KIF26B: variants seen among roughly 807,000 people sequenced by gnomAD.
The protein encoded by KIF26B is kinesin family member 26B, also known as kinesin-like protein KIF26B.
KIF26B carries 63 observed loss-of-function variants against 151.2 expected under a neutral mutation model. That is an observed-to-expected ratio of 0.42 (90% CI 0.34 to 0.51). KIF26B has a LOEUF of 0.51. Ranked by LOEUF, KIF26B falls within the 20% of genes least tolerant of loss-of-function variation. The pLI is 0.07. For synonymous variants in KIF26B, 1,357 were observed against 1,262.1 expected (o/e 1.08, Z -1.59); for missense variants, 2,813 against 2,913.6 (o/e 0.97, Z 0.79).
intron 2 of KIF26B, among the ~76,000 whole-genome samples, chr1:245,308,402 G>T (rs894932737): frequency 6.6e-6 from 1 of 152,206 alleles, no homozygotes; most frequent in Non-Finnish European, 1.5e-5. Context: ...AGGTAGTGGA[G>T]AGAGGAAGAT....
chr1:245,301,439 G>A (rs921198333), intron 2 of KIF26B, among the ~76,000 whole-genome samples: 2 of 152,130 alleles, frequency 1.3e-5, no homozygotes, highest in Admixed American at 6.5e-5. Context: ...TATTCCTGGC[G>A]TCTCTTCAGC....
At chr1:245,517,637 T>A (rs1660998651) in intron 4 of KIF26B, among the ~76,000 whole-genome samples, 1 of 151,882 alleles carries the variant, frequency 6.6e-6, no homozygotes, top group Admixed American at 6.6e-5. Context: ...AAGAGAGGAG[T>A]GAACATACAA....
At chr1:245,656,784 T>C (rs1343047488) in intron 10 of KIF26B, among the ~76,000 whole-genome samples, 2 of 152,212 alleles carry the variant, frequency 1.3e-5, no homozygotes, top group African/African-American at 4.8e-5. Flanking sequence ...TCAGGCCCAA[T>C]TGAGCATTAA....
intron 4 of KIF26B, among the ~76,000 whole-genome samples, chr1:245,500,778 G>A (rs890826796): frequency 1.4e-4 from 22 of 152,218 alleles, no homozygotes; most frequent in African/African-American, 3.6e-4. Flanking sequence ...TCCTGATGGC[G>A]AGATGCTGAA....
Position 245,703,926 on chromosome 1 carries a change from C to T in KIF26B, c.*1320C>T, listed in dbSNP as rs965176994. ...GAGAGCTTCCCCTCCATAACTCACA[C>T]GACCCTGGATAGGCAGAACATAGCT... On this transcript the variant is annotated 3_prime_UTR_variant, in exon 15 of 15. Transcript: ENST00000407071. 18 of 152,270 alleles carry T rather than the reference C, an allele frequency of 1.2e-4. No homozygotes were observed. Among genetic ancestry groups the T allele is most frequent in the African/African-American group, 3.8e-4 (16 of 41,570 alleles). The allele number at this position is 152,270 out of a possible 1,614,324, so 9.4% of individuals were successfully genotyped here.
chr1:245,223,736 C>T (rs538566322), intron 2 of KIF26B, among the ~76,000 whole-genome samples: 1 of 152,306 alleles, frequency 6.6e-6, no homozygotes, highest in East Asian at 1.9e-4. Context: ...CAGGGGGTCC[C>T]ATATGTCACA....
chr1:245,354,951 C>T (rs1007313350), intron 2 of KIF26B, among the ~76,000 whole-genome samples: 8 of 152,164 alleles, frequency 5.3e-5, no homozygotes, highest in East Asian at 1.9e-4. Flanking sequence ...GACGGAGTCT[C>T]GCTCTGTCAC....
intron 9 of KIF26B, among the ~76,000 whole-genome samples, chr1:245,635,636 T>C (rs2043826824): frequency 6.6e-6 from 1 of 152,032 alleles, no homozygotes; most frequent in Non-Finnish European, 1.5e-5. Context: ...TTTTTTTTCC[T>C]TTCTGCTATT....
chr1:245,249,940 T>C (rs558418438), intron 2 of KIF26B, among the ~76,000 whole-genome samples: 1 of 152,260 alleles, frequency 6.6e-6, no homozygotes, highest in Non-Finnish European at 1.5e-5. Context: ...ACAGAAGAAA[T>C]CCTATTTTCC....
intron 5 of KIF26B, among the ~76,000 whole-genome samples, chr1:245,587,273 C>T (rs2043238187): frequency 6.6e-6 from 1 of 152,176 alleles, no homozygotes; most frequent in African/African-American, 2.4e-5. Flanking sequence ...AACCCCAGTA[C>T]ACAACTCTTT....
In KIF26B at chr1:245,687,933, C is replaced by T; in HGVS notation, c.4950C>T (p.Ser1650=). ...EPSGKTKDAS[S]SSKLFSAKLE... ...GCGGCAAGACGAAGGACGCCAGCAGCAGCAGCAAGCTCTTCAGTGCCAAGC... is the reference window on the plus strand; with the variant it reads ...GCGGCAAGACGAAGGACGCCAGCAGTAGCAGCAAGCTCTTCAGTGCCAAGC... Residue 1650 remains serine (S), a synonymous_variant, in exon 12 of 15, where the codon AGC becomes AGT. Transcript: ENST00000407071. This position sits in a 1 kb window ranked among gnomAD's most constrained non-coding sequence, Gnocchi z 4.9. 1 of 1,594,624 alleles carries T rather than the reference C, an allele frequency of 6.3e-7. No individual in the cohort carries two copies. Among genetic ancestry groups the T allele is most frequent in the Non-Finnish European group, 8.5e-7 (1 of 1,172,400 alleles).
At chr1:245,365,787 A>T (rs73132997) in intron 2 of KIF26B, among the ~76,000 whole-genome samples, 5,180 of 152,130 alleles carry the variant, frequency 0.034, 267 homozygotes, top group African/African-American at 0.11. Flanking sequence ...CGATAAGGAG[A>T]GGCCATGGCG....
At chr1:245,515,079 T>C (rs1660921330) in intron 4 of KIF26B, among the ~76,000 whole-genome samples, 2 of 152,106 alleles carry the variant, frequency 1.3e-5, no homozygotes, top group African/African-American at 4.8e-5. Context: ...GGTGTTTGAG[T>C]CCCAGCTCTG....
At chr1:245,187,394 C>T (rs967565021) in intron 2 of KIF26B, among the ~76,000 whole-genome samples, 6 of 152,194 alleles carry the variant, frequency 3.9e-5, no homozygotes, top group African/African-American at 1.4e-4. Context: ...ACTGAATGGA[C>T]ACCATGTAGT....
At chr1:245,499,925 C>T (rs1231904861) in intron 4 of KIF26B, among the ~76,000 whole-genome samples, 1 of 152,192 alleles carries the variant, frequency 6.6e-6, no homozygotes, top group African/African-American at 2.4e-5. Flanking sequence ...CATTCTCCCC[C>T]TTCTAGGAAT....
chr1:245,207,253 A>T (rs1439428362), intron 2 of KIF26B, among the ~76,000 whole-genome samples: 3 of 152,218 alleles, frequency 2.0e-5, no homozygotes, highest in African/African-American at 7.2e-5. Context: ...ACTTCTGCAG[A>T]AGGGTGCTTC....
At chr1:245,178,842 A>C (rs6699608) in intron 2 of KIF26B, among the ~76,000 whole-genome samples, 15 of 152,074 alleles carry the variant, frequency 9.9e-5, no homozygotes, top group African/African-American at 2.7e-4. Flanking sequence ...GTGGAGGGCA[A>C]GTGGGGCCGG....
In KIF26B at chr1:245,166,312, A is replaced by G. The variant is rs2103519891; in HGVS notation, c.465+9629A>G. 6.6e-6 allele frequency among the ~76,000 whole-genome samples: 1 copy of G among 151,874 alleles called. No individual in the cohort carries two copies. On this transcript the variant is annotated intron_variant, in intron 2 of 14. Coordinates refer to ENST00000407071, the MANE Select transcript of KIF26B (RefSeq NM_018012.4). The surrounding 1 kb of genome is among the most constrained non-coding windows in gnomAD (Gnocchi z 4.5). ...TTTTCCTTCCTTCCTTCCATCTGAC[A>G]CGAAAATGGAGAAACAGCAGTCAGA...
chr1:245,630,055 T>C, intron 9 of KIF26B, among the ~76,000 whole-genome samples: 1 of 152,154 alleles, frequency 6.6e-6, no homozygotes, highest in East Asian at 1.9e-4. Context: ...CCAGTCAGAA[T>C]GGTGATTATT....
Sources: allele counts gnomAD v4.1 joint callset (sites outside exome capture counted in the v4.1 genomes callset), GRCh38; gene constraint gnomAD v4.1.1; non-coding constraint Gnocchi (gnomAD v3.1); transcripts MANE v1.5; gene names NCBI Gene and HGNC (gene_info 2026-07-23, HGNC 2026-07-21).